TIMM44: variants seen among roughly 807,000 people sequenced by gnomAD.
The protein encoded by TIMM44 is mitochondrial import inner membrane translocase subunit TIM44.
TIMM44 carries 37 observed loss-of-function variants against 63.8 expected under a neutral mutation model. That is an observed-to-expected ratio of 0.58 (90% CI 0.45 to 0.76). TIMM44 has a LOEUF of 0.76. Among genes scored for constraint, TIMM44 ranks in the 30% least tolerant of loss-of-function variants. TIMM44 has a pLI of 0.00. For synonymous variants in TIMM44, 239 were observed against 245.1 expected, an observed-to-expected ratio of 0.98 and a Z score of 0.23; for missense variants, 573 against 603.8, an observed-to-expected ratio of 0.95 and a Z score of 0.54.
chr19:7,933,457 AC>A lies in TIMM44; in HGVS notation c.769+27del, dbSNP rs773384832. 6.2e-7 allele frequency: 1 copy of A among 1,604,206 alleles called. No homozygotes were observed. The highest frequency in any genetic ancestry group is 1.1e-5 in the South Asian group (1 of 90,938). ...TCCACCAACTGCCCGGGACACAGTC[AC>A]CTGCCCTCCAAGACACCTTCACTCA... On this transcript the variant is annotated intron_variant, in intron 7 of 12. Transcript: ENST00000270538. The surrounding 1 kb of genome is among the most constrained non-coding windows in gnomAD (Gnocchi z 4.3).
chr19:7,928,506 A>G (rs1983883298), intron 10 of TIMM44: 1 of 300,788 alleles, frequency 3.3e-6, no homozygotes, highest in Admixed American at 4.7e-5. Flanking sequence ...TATTCGCCGC[A>G]CTCTGAATCT....
At chr19:7,935,227 A>T (rs1482778006) in intron 3 of TIMM44, 82 bp from the exon 4 acceptor site, 13 of 1,231,636 alleles carry the variant, frequency 1.1e-5, no homozygotes, top group Admixed American at 2.2e-5. Flanking sequence ...GTACAGTGGC[A>T]CGCTCTCGGC....
In TIMM44 at chr19:7,938,192, T is replaced by G; in HGVS notation, c.147A>C (p.Lys49Asn). 6.2e-7 allele frequency: 1 copy of G among 1,612,992 alleles called. No individual in the cohort carries two copies. The highest frequency in any genetic ancestry group is 8.5e-7 in the Non-Finnish European group (1 of 1,179,708). Residue 49 changes from lysine (K) to asparagine (N), a missense_variant, in exon 3 of 13, where the codon AAA (lysine) becomes AAC (asparagine). Coordinates refer to ENST00000270538, the MANE Select transcript of TIMM44 (RefSeq NM_006351.4). ...CTTTTCTGTTTCCAGAAGAATATGA[T>G]TTGGACTAGAAAGAATGTACAAGAA... is the stretch of plus-strand genomic sequence containing the variant. Reference protein sequence around the residue: ...RRPGGELPLSKSYSSGNRKGF... With the variant: ...RRPGGELPLSNSYSSGNRKGF...
intron 3 of TIMM44, among the ~76,000 whole-genome samples, chr19:7,937,172 G>A (rs542665952): frequency 8.5e-5 from 13 of 152,218 alleles, no homozygotes; most frequent in East Asian, 3.9e-4. Context: ...CCAGCTATCC[G>A]GGAGGCTGAG....
intron 10 of TIMM44, chr19:7,928,740 G>T (rs769483192): frequency 6.6e-6 from 1 of 151,738 alleles, no homozygotes; most frequent in Non-Finnish European, 1.5e-5. Context: ...ACTGATCCGC[G>T]GAGGGGAGAG....
In TIMM44 at chr19:7,933,699, C is replaced by T; in HGVS notation, c.684-129G>A. ...ACCTCAAACCTAGGGGCTCTGAGGA[C>T]CCCGCCCTCACCTCTCACCCTCAAA... On this transcript the variant is annotated intron_variant, in intron 6 of 12. Transcript: ENST00000270538. This position sits in a 1 kb window ranked among gnomAD's most constrained non-coding sequence, Gnocchi z 4.3. The T allele has an allele frequency of 1.5e-6, 2 of 1,317,120 alleles. No homozygotes were observed. The highest frequency in any genetic ancestry group is 1.7e-5 in the Admixed American group (1 of 58,500). 81.6% of individuals were successfully genotyped at this position (1,317,120 alleles called of 1,614,324 possible).
At chr19:7,929,994 G>A (rs576943294) in intron 10 of TIMM44, among the ~76,000 whole-genome samples, 26 of 150,228 alleles carry the variant, frequency 1.7e-4, no homozygotes, top group African/African-American at 4.7e-4. Context: ...GATTACAGGC[G>A]CCCACCACCA....
rs144425948 is a variant in TIMM44, at chr19:7,941,706, G to A, written c.46-509C>T. ...AGAAAATGCTGTGTCTGTACCTCCA[G>A]GGCCTACATCTATCCTCGTGCCCCT... On this transcript the variant is annotated intron_variant, in intron 1 of 12. Transcript: ENST00000270538. 1.9e-3 allele frequency among the ~76,000 whole-genome samples: 294 copies of A among 152,070 alleles called. 1 individual carries two copies. The highest frequency in any genetic ancestry group is 6.6e-3 in the African/African-American group (274 of 41,498).
chr19:7,934,193 CCTT>C lies in TIMM44; in HGVS notation c.436_438del (p.Lys146del). ...GTCTTGGCTGCTTCCTCCACGCCCT[CCTT>C]GATTTTCCGGCCGAGATCACTTTTA... On this transcript the variant is annotated inframe_deletion, in exon 5 of 13. Transcript: ENST00000270538. The surrounding 1 kb of genome is among the most constrained non-coding windows in gnomAD (Gnocchi z 5.3). 6.2e-7 allele frequency: 1 copy of C among 1,613,528 alleles called. No homozygotes were observed. Among genetic ancestry groups the C allele is most frequent in the Admixed American group, 1.7e-5 (1 of 60,026 alleles).
At chr19:7,940,576 G>A (rs1984282849) in intron 2 of TIMM44, among the ~76,000 whole-genome samples, 1 of 152,126 alleles carries the variant, frequency 6.6e-6, no homozygotes, top group African/African-American at 2.4e-5. Context: ...GAGAGAGGGA[G>A]ACAGAATGTA....
Position 7,934,518 on chromosome 19 carries a change from G to A in TIMM44, c.394-280C>T, listed in dbSNP as rs375045889. ...CCCAGAGCCATGAGCACACCGCCAC[G>A]GCTTCCGGGATGCTGGCCCTGGGCT... On this transcript the variant is annotated intron_variant, in intron 4 of 12. Coordinates refer to ENST00000270538, the MANE Select transcript of TIMM44 (RefSeq NM_006351.4). This position sits in a 1 kb window ranked among gnomAD's most constrained non-coding sequence, Gnocchi z 5.3. Among the ~76,000 whole-genome samples, 1 of 150,466 alleles carries A rather than the reference G, an allele frequency of 6.6e-6. No individual in the cohort carries two copies. Among genetic ancestry groups the A allele is most frequent in the African/African-American group, 2.5e-5 (1 of 40,352 alleles).
chr19:7,940,546 G>A (rs986369881), intron 2 of TIMM44, among the ~76,000 whole-genome samples: 5 of 152,138 alleles, frequency 3.3e-5, no homozygotes, highest in Admixed American at 1.3e-4. Flanking sequence ...AGGCAGCTGA[G>A]CTGAGGCTCT....
rs1325809323 is a variant in TIMM44 at position 7,934,874 on chromosome 19, G to A, written c.393+191C>T. 1.3e-5 allele frequency among the ~76,000 whole-genome samples: 2 copies of A among 152,174 alleles called. No homozygotes were observed. Among genetic ancestry groups the A allele is most frequent in the Admixed American group, 6.5e-5 (1 of 15,282 alleles). On this transcript the variant is annotated intron_variant, in intron 4 of 12. Transcript: ENST00000270538. This position sits in a 1 kb window ranked among gnomAD's most constrained non-coding sequence, Gnocchi z 5.3. ...GCCGACTCCCTGGGTCAACGGTCAT[G>A]CAAGGTTGCCAGTCTGACCTCACCC...
chr19:7,933,924 C>A lies in TIMM44; in HGVS notation c.623G>T (p.Arg208Leu). 2 of 1,614,160 alleles carry A rather than the reference C, an allele frequency of 1.2e-6. No homozygotes were observed. Among genetic ancestry groups the A allele is most frequent in the Non-Finnish European group, 1.7e-6 (2 of 1,180,028 alleles). The change falls in exon 6 of 13, where the codon CGG becomes CTG. Residue 208 changes from arginine (R) to leucine (L), a missense_variant. Coordinates refer to ENST00000270538, the MANE Select transcript of TIMM44 (RefSeq NM_006351.4). This position sits in a 1 kb window ranked among gnomAD's most constrained non-coding sequence, Gnocchi z 4.3. The stretch of plus-strand genomic sequence containing the variant: ...ATCTCCCGCAAACTCCGTTCTCTTC[C>A]GGAGTCGCTGGGGCCTCCGGTAGGG... ...TGPYRRPQRL[R>L]KRTEFAGDKF...
At position 7,935,024 on chromosome 19, in the gene TIMM44, T is replaced by C. The variant is rs565310861; in HGVS notation, c.393+41A>G. On this transcript the variant is annotated intron_variant, in intron 4 of 12. Coordinates refer to ENST00000270538, the MANE Select transcript of TIMM44 (RefSeq NM_006351.4). The stretch of plus-strand genomic sequence containing the variant: ...TCCAGCCTCCAGCGGCCAGGGGACT[T>C]TGATGGCCCCAGCGGCTCCAGGCGG... 4 of 1,580,978 alleles carry C rather than the reference T, an allele frequency of 2.5e-6. No individual in the cohort carries two copies. The African/African-American group carries it at 5.5e-5, about 22-fold the overall frequency.
At chr19:7,941,292 T>C in intron 1 of TIMM44, 95 bp from the exon 2 acceptor site, 3 of 860,476 alleles carry the variant, frequency 3.5e-6, no homozygotes, top group Non-Finnish European at 5.6e-6. Flanking sequence ...CACCTGCAAC[T>C]CACTGGCCAT....
At chr19:7,931,282 G>A in intron 9 of TIMM44, 94 bp from the exon 10 acceptor site, 1 of 1,219,820 alleles carries the variant, frequency 8.2e-7, no homozygotes, top group Non-Finnish European at 1.2e-6. Context: ...TGCGGGGTGG[G>A]GAGTTTCCTC....
chr19:7,926,923 C>T lies in TIMM44; in HGVS notation c.*264G>A. The stretch of plus-strand genomic sequence containing the variant: ...CTCTTGGCACTGTGTGACCTGTGTG[C>T]ACCCCAGGTGACCAGGCGCCGGGAC... On this transcript the variant is annotated 3_prime_UTR_variant, in exon 13 of 13. Transcript: ENST00000270538. 6.3e-6 allele frequency: 3 copies of T among 479,684 alleles called. No homozygotes were observed. Among genetic ancestry groups the T allele is most frequent in the Non-Finnish European group, 1.2e-5 (3 of 260,272 alleles). The allele number at this position is 479,684 out of a possible 1,614,324, so 29.7% of individuals were successfully genotyped here. A position where few individuals can be genotyped will look rare whatever the true frequency, so the allele number is the denominator to read the frequency against.
At position 7,933,585 on chromosome 19, in the gene TIMM44, G is replaced by A. The variant is rs771973798; in HGVS notation, c.684-15C>T. 1.2e-5 allele frequency: 20 copies of A among 1,611,720 alleles called. No homozygotes were observed. In the Admixed American group the frequency reaches 3.0e-4, roughly 24 times the overall value. On this transcript the variant is annotated splice_polypyrimidine_tract_variant and intron_variant, in intron 6 of 12. Coordinates refer to ENST00000270538, the MANE Select transcript of TIMM44 (RefSeq NM_006351.4). This position sits in a 1 kb window ranked among gnomAD's most constrained non-coding sequence, Gnocchi z 4.3. ...CCAGGGCCTCCCTGGGGAAGAGGGT[G>A]GGCCCTGGGGTGAGCGGCGGCGCCA...
Sources: allele counts gnomAD v4.1 joint callset (sites outside exome capture counted in the v4.1 genomes callset), GRCh38; gene constraint gnomAD v4.1.1; non-coding constraint Gnocchi (gnomAD v3.1); transcripts MANE v1.5; gene names NCBI Gene and HGNC (gene_info 2026-07-23, HGNC 2026-07-21).